The following GPR158 variants were observed in gnomAD, a reference collection of about 807,000 sequenced individuals.
GPR158 encodes metabotropic glycine receptor.
In GPR158, 30 loss-of-function variants were observed where a neutral mutation model predicts 78.2. That is an observed-to-expected ratio of 0.38 (90% CI 0.29 to 0.52). GPR158 has a LOEUF of 0.52. Among genes scored for constraint, GPR158 ranks in the 20% least tolerant of loss-of-function variants. The pLI is 0.83. For synonymous variants in GPR158, 581 were observed against 591.1 expected (o/e 0.98, Z 0.25); for missense variants, 1,463 against 1,523.5 (o/e 0.96, Z 0.66).
intron 2 of GPR158, among the ~76,000 whole-genome samples, chr10:25,383,372 A>G (rs1003180621): frequency 2.0e-5 from 3 of 152,220 alleles, no homozygotes; most frequent in Non-Finnish European, 2.9e-5. Context: ...GTCTCCGGTC[A>G]AAACAAAGGA....
At chr10:25,477,665 T>C (rs1019158358) in intron 5 of GPR158, among the ~76,000 whole-genome samples, 6 of 151,688 alleles carry the variant, frequency 4.0e-5, no homozygotes, top group Admixed American at 2.0e-4. Context: ...TTTGGATTGA[T>C]ACAAGAGAAA....
rs996650768 is a variant in GPR158, at chr10:25,368,094, C to T, written c.1009-27817C>T. 5.9e-5 allele frequency among the ~76,000 whole-genome samples: 9 copies of T among 151,840 alleles called. No individual in the cohort carries two copies. In the East Asian group the frequency reaches 1.4e-3, roughly 23 times the overall value. On this transcript the variant is annotated intron_variant, in intron 2 of 10. Transcript: ENST00000376351. ...CTTTTAAGCTGACTTTTAGAATTCC[C>T]TAGAGGAATTAGCCCCACCTGCCAG...
chr10:25,180,796 A>G (rs1359798616), intron 1 of GPR158, among the ~76,000 whole-genome samples: 2 of 152,136 alleles, frequency 1.3e-5, no homozygotes, highest in Non-Finnish European at 2.9e-5. Context: ...TACCTTGTGG[A>G]AGTGATATGG....
chr10:25,584,167 A>G (rs935008473), intron 7 of GPR158, among the ~76,000 whole-genome samples: 6 of 152,212 alleles, frequency 3.9e-5, no homozygotes. Context: ...AACTATACTC[A>G]TGCCTTTCAT....
intron 5 of GPR158, among the ~76,000 whole-genome samples, chr10:25,518,160 A>G (rs1836209326): frequency 1.1e-5 from 1 of 89,372 alleles, no homozygotes; most frequent in South Asian, 3.4e-4. Flanking sequence ...TTATTTGTGT[A>G]GAGGTGTTTG....
chr10:25,329,105 A>G (rs1855080808), intron 2 of GPR158, among the ~76,000 whole-genome samples: 1 of 152,018 alleles, frequency 6.6e-6, no homozygotes, highest in Admixed American at 6.5e-5. Context: ...AAATGCTTAT[A>G]AATTTGTTTT....
At chr10:25,470,169 G>T (rs543611701) in intron 5 of GPR158, among the ~76,000 whole-genome samples, 1 of 125,728 alleles carries the variant, frequency 8.0e-6, no homozygotes, top group Non-Finnish European at 1.7e-5. Context: ...TTCAGGTCTC[G>T]AATTAATTTT....
At chr10:25,357,157 A>G (rs1783276717) in intron 2 of GPR158, among the ~76,000 whole-genome samples, 3 of 152,132 alleles carry the variant, frequency 2.0e-5, no homozygotes, top group African/African-American at 7.2e-5. Context: ...GGTATCTGGC[A>G]GAAGAAATTT....
intron 2 of GPR158, among the ~76,000 whole-genome samples, chr10:25,329,838 C>T (rs1247895573): frequency 6.6e-6 from 1 of 151,954 alleles, no homozygotes; most frequent in African/African-American, 2.4e-5. Context: ...TTATCGTAAG[C>T]GTCTATACTT....
At chr10:25,303,978 G>T (rs1419071673) in intron 2 of GPR158, among the ~76,000 whole-genome samples, 2 of 152,074 alleles carry the variant, frequency 1.3e-5, no homozygotes, top group African/African-American at 4.8e-5. Context: ...TGTGATTTAG[G>T]CTACATCTTT....
At chr10:25,357,922 T>C (rs1048345948) in intron 2 of GPR158, among the ~76,000 whole-genome samples, 1 of 152,036 alleles carries the variant, frequency 6.6e-6, no homozygotes, top group Non-Finnish European at 1.5e-5. Flanking sequence ...CAGCAGCCTG[T>C]GAAAGCAGCT....
At position 25,202,733 on chromosome 10, in the gene GPR158, A is replaced by G. The variant is rs780888465; in HGVS notation, c.903-18319A>G. Among the ~76,000 whole-genome samples the G allele has an allele frequency of 5.5e-4, 84 of 152,218 alleles. 2 individuals are homozygous for G. Among genetic ancestry groups the G allele is most frequent in the Non-Finnish European group, 2.9e-4 (20 of 68,046 alleles). On this transcript the variant is annotated intron_variant, in intron 1 of 10. Coordinates refer to ENST00000376351, the MANE Select transcript of GPR158 (RefSeq NM_020752.3). ...TAAACATACGTGTGCATGTGCCTTT[A>G]TAGCAGCATGATGTATAATCCTTTG...
chr10:25,410,860 G>C (rs1002343297), intron 3 of GPR158, among the ~76,000 whole-genome samples: 3 of 152,064 alleles, frequency 2.0e-5, no homozygotes, highest in African/African-American at 7.2e-5. Context: ...TTTTGCTATT[G>C]TCTTTACTGA....
In GPR158 at chr10:25,594,254, T is replaced by TAAC. The variant is rs763138169; in HGVS notation, c.1893-36_1893-35insCAA. The TAAC allele has an allele frequency of 8.0e-6, 8 of 995,158 alleles. No homozygotes were observed. In the East Asian group the frequency reaches 1.9e-4, roughly 24 times the overall value. The allele number at this position is 995,158 out of a possible 1,614,324, so 61.6% of individuals were successfully genotyped here. On this transcript the variant is annotated intron_variant, in intron 8 of 10. Transcript: ENST00000376351. ...AATCCTAGTGTTCTAAGTAGAATCT[T>TAAC]AATCTTGGATTGTTAACTCAATGAA...
Position 25,601,886 on chromosome 10 carries a change from T to G in GPR158, c.*2612T>G, listed in dbSNP as rs1305044478. Reference sequence around the variant, plus strand: ...AGAATTGTATATTTTATGCAAGAATTAAATGCTTTACAACATGAAGTATAA... The same window carrying G: ...AGAATTGTATATTTTATGCAAGAATGAAATGCTTTACAACATGAAGTATAA... On this transcript the variant is annotated 3_prime_UTR_variant, in exon 11 of 11. Transcript: ENST00000376351. 2 of 152,616 alleles carry G rather than the reference T, an allele frequency of 1.3e-5. No individual in the cohort carries two copies. The highest frequency in any genetic ancestry group is 2.9e-5 in the Non-Finnish European group (2 of 68,034). The allele number at this position is 152,616 out of a possible 1,614,324, so 9.5% of individuals were successfully genotyped here.
chr10:25,203,789 TGTG>T lies in GPR158; in HGVS notation c.903-17262_903-17260del, dbSNP rs1297024044. 5.5e-5 allele frequency among the ~76,000 whole-genome samples: 8 copies of T among 145,072 alleles called. 1 individual carries two copies. Among genetic ancestry groups the T allele is most frequent in the Non-Finnish European group, 1.2e-4 (8 of 66,868 alleles). On this transcript the variant is annotated intron_variant, in intron 1 of 10. Transcript: ENST00000376351. ...TTTAAAGTAGTTTTTTTTCAAATTC[TGTG>T]AAGAAAGTCATTGGTAGCTTGATGG... is the stretch of plus-strand genomic sequence containing the variant.
chr10:25,512,470 A>G (rs1836098452), intron 5 of GPR158, among the ~76,000 whole-genome samples: 3 of 152,128 alleles, frequency 2.0e-5, no homozygotes, highest in Non-Finnish European at 2.9e-5. Context: ...CTGTCATATC[A>G]TCAGCAAACA....
intron 2 of GPR158, among the ~76,000 whole-genome samples, chr10:25,318,009 C>T (rs2130473886): frequency 6.6e-6 from 1 of 152,288 alleles, no homozygotes; most frequent in Non-Finnish European, 1.5e-5. Context: ...AAGCGTGAGT[C>T]ACCGTGCCTG....
chr10:25,360,499 A>G (rs1855620130), intron 2 of GPR158, among the ~76,000 whole-genome samples: 1 of 152,110 alleles, frequency 6.6e-6, no homozygotes, highest in Non-Finnish European at 1.5e-5. Context: ...ACCATTTATT[A>G]AATAGGGAAT....
Sources: allele counts gnomAD v4.1 joint callset (sites outside exome capture counted in the v4.1 genomes callset), GRCh38; gene constraint gnomAD v4.1.1; transcripts MANE v1.5; gene names NCBI Gene and HGNC (gene_info 2026-07-23, HGNC 2026-07-21).